ZNF462: variants seen among roughly 807,000 people sequenced by gnomAD.
ZNF462 encodes zinc finger protein 462, also known as zinc finger PBX1-interacting protein.
A neutral mutation model predicts 201.9 loss-of-function variants in ZNF462; 10 were observed. The ratio of observed to expected loss-of-function variants is 0.05; its 90% CI spans 0.03 to 0.08. The LOEUF (loss-of-function observed/expected upper bound fraction) is 0.08, where lower values mean the gene tolerates loss of function less well. Among genes scored for constraint, ZNF462 ranks in the 10% least tolerant of loss-of-function variants. The pLI is 1.00. For synonymous variants in ZNF462, 1,227 were observed against 1,193.3 expected (o/e 1.03, Z -0.58); for missense variants, 2,523 against 3,168.3 (o/e 0.80, Z 4.89).
intron 7 of ZNF462, among the ~76,000 whole-genome samples, chr9:106,941,775 T>G (rs1353623913): frequency 2.0e-5 from 3 of 152,238 alleles, no homozygotes. Context: ...TTTTCTTGAA[T>G]CCTTACTATA....
intron 1 of ZNF462, among the ~76,000 whole-genome samples, chr9:106,916,302 C>A (rs749919457): frequency 1.7e-4 from 26 of 152,180 alleles, no homozygotes; most frequent in African/African-American, 6.3e-4. Flanking sequence ...GTCAGGCTGA[C>A]CAGCCCCCAG....
chr9:106,862,336 G>A (rs932751616), upstream of ZNF462, among the ~76,000 whole-genome samples: 2 of 152,076 alleles, frequency 1.3e-5, no homozygotes, highest in African/African-American at 4.8e-5. This position sits in a 1 kb window ranked among gnomAD's most constrained non-coding sequence, Gnocchi z 4.2. Flanking sequence ...GCTCGGGCTC[G>A]GCGCCTCGGG....
chr9:107,001,292 CTT>C (rs1394493204), intron 10 of ZNF462, among the ~76,000 whole-genome samples: 1 of 152,170 alleles, frequency 6.6e-6, no homozygotes, highest in African/African-American at 2.4e-5. Context: ...AAAATGTAGA[CTT>C]TGTGGCTAAA....
At chr9:106,894,429 T>C (rs1828724404) in intron 1 of ZNF462, among the ~76,000 whole-genome samples, 1 of 152,220 alleles carries the variant, frequency 6.6e-6, no homozygotes, top group African/African-American at 2.4e-5. Context: ...TAACAGACTT[T>C]TCATTTTTAT....
At chr9:106,914,986 A>G (rs551338325) in intron 1 of ZNF462, among the ~76,000 whole-genome samples, 8 of 152,298 alleles carry the variant, frequency 5.3e-5, no homozygotes, top group African/African-American at 1.9e-4. Flanking sequence ...ATCTTAGAAA[A>G]TATGAGAAGA....
chr9:106,892,228 T>G (rs147191695), intron 1 of ZNF462, among the ~76,000 whole-genome samples: 192 of 152,318 alleles, frequency 1.3e-3, no homozygotes, highest in African/African-American at 4.5e-3. Flanking sequence ...GTACAAGGTA[T>G]TTGGAATGTT....
chr9:106,985,133 G>A (rs554910028), intron 10 of ZNF462, among the ~76,000 whole-genome samples: 1 of 152,268 alleles, frequency 6.6e-6, no homozygotes, highest in South Asian at 2.1e-4. Flanking sequence ...ACATAAATGA[G>A]CCAACATGAC....
intron 9 of ZNF462, chr9:106,975,280 A>G (rs1301044395): frequency 7.2e-5 from 11 of 152,048 alleles, no homozygotes; most frequent in Admixed American, 6.6e-4. Flanking sequence ...GCCTTCCAAT[A>G]TTTGTCACAT....
chr9:106,943,250 T>G (rs754258111), intron 7 of ZNF462, among the ~76,000 whole-genome samples: 1 of 152,168 alleles, frequency 6.6e-6, no homozygotes, highest in Non-Finnish European at 1.5e-5. Context: ...CTTGGCAATT[T>G]CCTTTTGTAC....
rs1238728223 is a variant in ZNF462, at chr9:106,863,218, A to T, written c.-168A>T. 2.5e-6 allele frequency: 1 copy of T among 399,210 alleles called. No individual in the cohort carries two copies. Among genetic ancestry groups the T allele is most frequent in the Non-Finnish European group, 4.4e-6 (1 of 226,354 alleles). 24.7% of individuals were successfully genotyped at this position (399,210 alleles called of 1,614,324 possible). A position where few individuals can be genotyped will look rare whatever the true frequency, so the allele number is the denominator to read the frequency against. On this transcript the variant is annotated 5_prime_UTR_variant, in exon 1 of 13. Coordinates refer to ENST00000277225, the MANE Select transcript of ZNF462 (RefSeq NM_021224.6). ...AAGATGGCGATCCTCCATTGCTGAG[A>T]CCCGGCAGAAGCACATGAGACTCCC...
At chr9:106,992,611 G>A (rs1184839314) in intron 10 of ZNF462, among the ~76,000 whole-genome samples, 4 of 152,100 alleles carry the variant, frequency 2.6e-5, no homozygotes, top group African/African-American at 9.7e-5. Flanking sequence ...TACGTGGACA[G>A]AAGCTAGACA....
chr9:106,967,426 A>AT (rs11395463), intron 7 of ZNF462, among the ~76,000 whole-genome samples: 6,597 of 151,616 alleles, frequency 0.044, 436 homozygotes, highest in African/African-American at 0.15. Flanking sequence ...TGATTGTTTC[A>AT]TTTTTTTCTC....
At chr9:106,969,446 A>G (rs1021303314) in intron 7 of ZNF462, among the ~76,000 whole-genome samples, 1 of 152,224 alleles carries the variant, frequency 6.6e-6, no homozygotes, top group Non-Finnish European at 1.5e-5. Context: ...TAGAGACAAG[A>G]TAAAAATGTG....
chr9:106,951,820 G>T (rs1452250833), intron 7 of ZNF462, among the ~76,000 whole-genome samples: 1 of 151,340 alleles, frequency 6.6e-6, no homozygotes, highest in African/African-American at 2.4e-5. Context: ...ATGTTCCATG[G>T]AACCTCTTCT....
intron 1 of ZNF462, among the ~76,000 whole-genome samples, chr9:106,889,214 C>T (rs1383734135): frequency 6.6e-6 from 1 of 152,140 alleles, no homozygotes; most frequent in Non-Finnish European, 1.5e-5. Context: ...ATGTCCACTC[C>T]CTATGTACAC....
intron 1 of ZNF462, among the ~76,000 whole-genome samples, chr9:106,911,931 C>A (rs1041577915): frequency 6.6e-6 from 1 of 152,020 alleles, no homozygotes; most frequent in Non-Finnish European, 1.5e-5. Context: ...GAAAAATATT[C>A]CAAGTTGGTT....
At chr9:106,990,156 C>T (rs1003043807) in intron 10 of ZNF462, among the ~76,000 whole-genome samples, 9 of 151,950 alleles carry the variant, frequency 5.9e-5, no homozygotes, top group East Asian at 1.9e-4. Flanking sequence ...TTTAAATTTT[C>T]ATCTTGATAT....
At chr9:106,965,477 C>T (rs1448057910) in intron 7 of ZNF462, among the ~76,000 whole-genome samples, 3 of 151,956 alleles carry the variant, frequency 2.0e-5, no homozygotes, top group Non-Finnish European at 4.4e-5. Context: ...GTAGGGAAGG[C>T]AGGACTGAGG....
Position 106,926,299 on chromosome 9 carries a change from A to G in ZNF462, c.2387A>G (p.Asp796Gly). The change falls in exon 3 of 13, where the codon GAT becomes GGT. Residue 796 changes from aspartate (D) to glycine (G), a missense_variant. Transcript: ENST00000277225. This position sits in a 1 kb window ranked among gnomAD's most constrained non-coding sequence, Gnocchi z 7.9. ...GAGATTGAGCTCACCCTTTCTGAAG[A>G]TGAAGAGGATTATTATGGCTCCTCA... Reference protein sequence around the residue: ...GAEIELTLSEDEEDYYGSSTN... With the variant: ...GAEIELTLSEGEEDYYGSSTN... 1 of 1,614,212 alleles carries G rather than the reference A, an allele frequency of 6.2e-7. No individual in the cohort carries two copies. The highest frequency in any genetic ancestry group is 8.5e-7 in the Non-Finnish European group (1 of 1,180,034).
Sources: gnomAD v4.1 joint callset for allele counts (sites outside exome capture counted in the v4.1 genomes callset) on GRCh38, gnomAD v4.1.1 for gene constraint, Gnocchi (gnomAD v3.1) non-coding constraint, MANE v1.5 for transcripts, NCBI Gene and HGNC (gene_info 2026-07-23, HGNC 2026-07-21) for gene names.